SNX29: variants seen among roughly 807,000 people sequenced by gnomAD.
SNX29 encodes sorting nexin-29.
SNX29 carries 78 observed loss-of-function variants against 102.1 expected under a neutral mutation model. That is an observed-to-expected ratio of 0.76 (90% CI 0.64 to 0.92). The LOEUF (loss-of-function observed/expected upper bound fraction) is 0.92, where lower values mean the gene tolerates loss of function less well. SNX29 is among the 40% of genes least tolerant of loss of function. The pLI, the probability that SNX29 is intolerant of heterozygous loss-of-function variation, is 0.00. For synonymous variants in SNX29, 580 were observed against 414.5 expected, an observed-to-expected ratio of 1.40 and a Z score of -4.85; for missense variants, 1,280 against 1,061.7, an observed-to-expected ratio of 1.21 and a Z score of -2.86.
intron 3 of SNX29, among the ~76,000 whole-genome samples, chr16:12,024,695 C>G (rs1174070161): frequency 1.3e-5 from 2 of 152,164 alleles, no homozygotes; most frequent in South Asian, 2.1e-4. Context: ...CGCCTGCATT[C>G]CATTCCTCTT....
chr16:12,266,135 G>A (rs2078920726), intron 14 of SNX29, among the ~76,000 whole-genome samples: 1 of 152,018 alleles, frequency 6.6e-6, no homozygotes, highest in Admixed American at 6.6e-5. Context: ...ATGTTGCCCA[G>A]GTTGGTCTTG....
intron 19 of SNX29, among the ~76,000 whole-genome samples, chr16:12,495,761 T>C (rs2088789200): frequency 2.0e-5 from 3 of 152,264 alleles, no homozygotes; most frequent in East Asian, 3.9e-4. Context: ...AGAGACAGAA[T>C]GTCTGCAGCT....
chr16:12,419,562 G>GCCCC (rs34648432), intron 18 of SNX29, among the ~76,000 whole-genome samples: 2 of 147,588 alleles, frequency 1.4e-5, no homozygotes, highest in South Asian at 2.2e-4. Context: ...ATCAGACTCA[G>GCCCC]CCCCCCCCCC....
intron 9 of SNX29, among the ~76,000 whole-genome samples, chr16:12,066,926 C>T (rs550669199): frequency 6.6e-5 from 10 of 151,652 alleles, no homozygotes; most frequent in African/African-American, 1.7e-4. Context: ...AGGAGGATTG[C>T]TTGAGGCCAG....
intron 14 of SNX29, among the ~76,000 whole-genome samples, chr16:12,203,555 C>T (rs1028701761): frequency 4.0e-5 from 6 of 150,930 alleles, no homozygotes; most frequent in African/African-American, 7.3e-5. Context: ...TTGGAGGTGA[C>T]GTCTCTGAAG....
At chr16:12,012,350 T>A (rs1213077314) in intron 3 of SNX29, among the ~76,000 whole-genome samples, 1 of 152,122 alleles carries the variant, frequency 6.6e-6, no homozygotes, top group Non-Finnish European at 1.5e-5. Context: ...GTCAGCAGGT[T>A]CTTCTCTGCT....
At chr16:12,069,873 G>A (rs1246366123) in intron 10 of SNX29, among the ~76,000 whole-genome samples, 1 of 151,614 alleles carries the variant, frequency 6.6e-6, no homozygotes, top group Non-Finnish European at 1.5e-5. Flanking sequence ...TGTATTTTCA[G>A]TAGAGATGGG....
At chr16:12,345,694 G>T (rs1185686855) in intron 15 of SNX29, among the ~76,000 whole-genome samples, 1 of 152,180 alleles carries the variant, frequency 6.6e-6, no homozygotes, top group Non-Finnish European at 1.5e-5. Flanking sequence ...TTTGAGTGAC[G>T]TTGTGAAGGG....
At position 12,441,212 on chromosome 16, in the gene SNX29, C is replaced by T. The variant is rs570149025; in HGVS notation, c.2038-36507C>T. Among the ~76,000 whole-genome samples, 10 of 151,686 alleles carry T rather than the reference C, an allele frequency of 6.6e-5. No homozygotes were observed. The East Asian group carries it at 1.4e-3, about 21-fold the overall frequency. On this transcript the variant is annotated intron_variant, in intron 18 of 20. Transcript: ENST00000566228. The stretch of plus-strand genomic sequence containing the variant: ...CCGCCATTCTCCTGACTCAGCCTCC[C>T]GAGTAGTTGGGACTACAGGCGCCTG...
chr16:12,570,228 G>GCC lies in SNX29; in HGVS notation c.*1602_*1603dup, dbSNP rs938384907. 1.9e-6 allele frequency: 2 copies of GCC among 1,065,276 alleles called. No individual in the cohort carries two copies. Among genetic ancestry groups the GCC allele is most frequent in the Non-Finnish European group, 1.1e-6 (1 of 879,286 alleles). 66.0% of individuals were successfully genotyped at this position (1,065,276 alleles called of 1,614,324 possible). The stretch of plus-strand genomic sequence containing the variant: ...GGGGACCTGGGGCCAGATAAGCCCT[G>GCC]CCCCGGTGAGACCAAATGAGCTGGA... On this transcript the variant is annotated 3_prime_UTR_variant, in exon 21 of 21. Transcript: ENST00000566228.
At chr16:12,544,072 G>A (rs771028727) in intron 20 of SNX29, among the ~76,000 whole-genome samples, 12 of 152,212 alleles carry the variant, frequency 7.9e-5, no homozygotes, top group Non-Finnish European at 1.3e-4. Context: ...ATTGGTAGGG[G>A]TAGAGGTCTT....
intron 11 of SNX29, among the ~76,000 whole-genome samples, chr16:12,083,031 C>T (rs1381310687): frequency 2.0e-5 from 3 of 151,982 alleles, no homozygotes; most frequent in Admixed American, 6.6e-5. Flanking sequence ...CGGCCGGGCA[C>T]GGTGGCTCAT....
intron 19 of SNX29, among the ~76,000 whole-genome samples, chr16:12,521,054 C>G (rs534856782): frequency 6.6e-6 from 1 of 152,032 alleles, no homozygotes; most frequent in Non-Finnish European, 1.5e-5. Flanking sequence ...TGTGTGTGTG[C>G]CTGTAATCCC....
chr16:12,457,831 T>G (rs981325408), intron 18 of SNX29, among the ~76,000 whole-genome samples: 3 of 152,222 alleles, frequency 2.0e-5, no homozygotes, highest in East Asian at 3.8e-4. Flanking sequence ...ATTGGGTAAA[T>G]TAACTGTATT....
At chr16:12,108,169 C>T (rs1026707755) in intron 11 of SNX29, among the ~76,000 whole-genome samples, 1 of 152,126 alleles carries the variant, frequency 6.6e-6, no homozygotes, top group African/African-American at 2.4e-5. Context: ...TAGGAGAAGC[C>T]CTCCCAGTGG....
At position 12,533,135 on chromosome 16, in the gene SNX29, C is replaced by T. The variant is rs557509068; in HGVS notation, c.2318+8294C>T. On this transcript the variant is annotated intron_variant, in intron 20 of 20. Coordinates refer to ENST00000566228, the MANE Select transcript of SNX29 (RefSeq NM_032167.5). ...AACTCGACAGCTCTGCTTAGAAACACGGCCGCCTTTGCCAGGCAGGGCCTC... is the reference window on the plus strand; with the variant it reads ...AACTCGACAGCTCTGCTTAGAAACATGGCCGCCTTTGCCAGGCAGGGCCTC... 7.9e-5 allele frequency among the ~76,000 whole-genome samples: 12 copies of T among 152,376 alleles called. No homozygotes were observed. In the Middle Eastern group the frequency reaches 0.01, roughly 130 times the overall value.
At chr16:12,337,812 A>G (rs1196050800) in intron 15 of SNX29, among the ~76,000 whole-genome samples, 6 of 152,214 alleles carry the variant, frequency 3.9e-5, no homozygotes, top group Non-Finnish European at 7.3e-5. Context: ...CATTGTCAGC[A>G]TCTTCCCTCA....
At chr16:12,461,980 T>TAA in intron 18 of SNX29, among the ~76,000 whole-genome samples, 1 of 33,510 alleles carries the variant, frequency 3.0e-5, no homozygotes, top group Non-Finnish European at 4.8e-5. Flanking sequence ...AAAAAAAAAA[T>TAA]ATATATATAT....
intron 11 of SNX29, chr16:12,088,046 G>A (rs993402576): frequency 6.6e-6 from 3 of 456,574 alleles, no homozygotes; most frequent in African/African-American, 2.0e-5. Flanking sequence ...GGCTTTGCTT[G>A]TGTCTCTAGG....
Sources: allele counts gnomAD v4.1 joint callset (sites outside exome capture counted in the v4.1 genomes callset), GRCh38; gene constraint gnomAD v4.1.1; transcripts MANE v1.5; gene names NCBI Gene and HGNC (gene_info 2026-07-23, HGNC 2026-07-21).